Variants in UNK observed in about 807,000 individuals in gnomAD.
UNK encodes RING finger protein unkempt homolog.
Under a neutral mutation model 97.6 loss-of-function variants are expected in UNK, and 32 were observed. The observed-to-expected ratio is 0.33, with a 90% confidence interval of 0.25 to 0.44. UNK has a LOEUF of 0.44. UNK is among the 20% of genes least tolerant of loss of function. The probability of loss-of-function intolerance (pLI) is 1.00; values close to 1 mark genes in which losing one functional copy is unlikely to be tolerated. For synonymous variants in UNK, 441 were observed against 461.2 expected, an observed-to-expected ratio of 0.96 and a Z score of 0.56; for missense variants, 771 against 1,098.4, an observed-to-expected ratio of 0.70 and a Z score of 4.21.
chr17:75,795,459 C>A (rs2061797417), intron 1 of UNK, among the ~76,000 whole-genome samples: 1 of 152,096 alleles, frequency 6.6e-6, no homozygotes, highest in Non-Finnish European at 1.5e-5. Context: ...AGTGCCTCAG[C>A]CTCCTGAGTA....
rs1364024352 is a variant in UNK, at chr17:75,812,165, G to T, written c.368G>T (p.Arg123Leu). 1 of 1,614,002 alleles carries T rather than the reference G, an allele frequency of 6.2e-7. No homozygotes were observed. The highest frequency in any genetic ancestry group is 1.3e-5 in the African/African-American group (1 of 75,030). The stretch of plus-strand genomic sequence containing the variant: ...GACACTGAGCGCAGGTACCACCTTC[G>T]TTACTACAAAACTGGAATCTGCATC... The part of the protein sequence containing the change: ...TGDTERRYHL[R>L]YYKTGICIHE... Residue 123 changes from arginine to leucine, a missense_variant, in exon 3 of 16, where the codon CGT becomes CTT. Physicochemically the swap from Arg to Leu is moderately radical, Grantham distance 102. Coordinates refer to ENST00000589666, the MANE Select transcript of UNK (RefSeq NM_001080419.3).
At chr17:75,801,102 A>T (rs1040086619) in intron 1 of UNK, among the ~76,000 whole-genome samples, 4 of 151,738 alleles carry the variant, frequency 2.6e-5, no homozygotes, top group African/African-American at 9.7e-5. Flanking sequence ...ACGGGGTTTC[A>T]CCATGTTAGC....
chr17:75,788,787 G>A (rs991919744), intron 1 of UNK, among the ~76,000 whole-genome samples: 1 of 151,862 alleles, frequency 6.6e-6, no homozygotes, highest in Non-Finnish European at 1.5e-5. Context: ...AGCCTGAGAA[G>A]GTGTGAGCCA....
intron 14 of UNK, 71 bp from the exon 15 acceptor site, chr17:75,823,194 A>G: frequency 1.3e-6 from 2 of 1,502,192 alleles, no homozygotes; most frequent in Non-Finnish European, 8.9e-7. Flanking sequence ...AGTGGCCCCC[A>G]AAAGATGATG....
chr17:75,797,733 C>T (rs1052738066), intron 1 of UNK, among the ~76,000 whole-genome samples: 10 of 152,112 alleles, frequency 6.6e-5, no homozygotes, highest in Non-Finnish European at 1.3e-4. Flanking sequence ...CCTCACTGGC[C>T]GCTCCATCTT....
chr17:75,793,954 T>G (rs760880818), intron 1 of UNK: 63 of 985,268 alleles, frequency 6.4e-5, no homozygotes, highest in Non-Finnish European at 7.6e-5. Flanking sequence ...TTTATTAATT[T>G]TGGTAAGAAC....
At chr17:75,810,004 T>C in intron 2 of UNK, 35 bp downstream of exon 2, 1 of 1,609,020 alleles carries the variant, frequency 6.2e-7, no homozygotes, top group Non-Finnish European at 8.5e-7. Flanking sequence ...AGGAGCCCCG[T>C]GTCTCCTTCT....
In UNK at chr17:75,817,188, G is replaced by C; in HGVS notation, c.1105-138G>C. On this transcript the variant is annotated intron_variant, in intron 8 of 15. Coordinates refer to ENST00000589666, the MANE Select transcript of UNK (RefSeq NM_001080419.3). The surrounding 1 kb of genome is among the most constrained non-coding windows in gnomAD (Gnocchi z 5.8). ...TTCCTTCGTGAGCTTCGGGCTCCCC[G>C]AGTGGTCACTGCTGCTCGTTGGCAG... The C allele has an allele frequency of 9.1e-7, 1 of 1,097,920 alleles. No individual in the cohort carries two copies. Among genetic ancestry groups the C allele is most frequent in the Middle Eastern group, 3.1e-4 (1 of 3,216 alleles). The allele number at this position is 1,097,920 out of a possible 1,614,324, so 68.0% of individuals were successfully genotyped here. A position where few individuals can be genotyped will look rare whatever the true frequency, so the allele number is the denominator to read the frequency against.
In UNK at chr17:75,819,569, G is replaced by C. The variant is rs1257142268; in HGVS notation, c.1547-115G>C. 1.1e-6 allele frequency: 1 copy of C among 942,948 alleles called. No individual in the cohort carries two copies. Among genetic ancestry groups the C allele is most frequent in the Non-Finnish European group, 1.7e-6 (1 of 600,664 alleles). The allele number at this position is 942,948 out of a possible 1,614,324, so 58.4% of individuals were successfully genotyped here. Reference sequence around the variant, plus strand: ...GCTGAAGGAAGGGCACAGGGGCTTGGGAGAATACGGACCCAGCGTAGCATG... The same window carrying C: ...GCTGAAGGAAGGGCACAGGGGCTTGCGAGAATACGGACCCAGCGTAGCATG... On this transcript the variant is annotated intron_variant, in intron 11 of 15. Coordinates refer to ENST00000589666, the MANE Select transcript of UNK (RefSeq NM_001080419.3). This position sits in a 1 kb window ranked among gnomAD's most constrained non-coding sequence, Gnocchi z 5.4.
intron 1 of UNK, among the ~76,000 whole-genome samples, chr17:75,802,065 G>A (rs901850701): frequency 6.6e-6 from 1 of 151,524 alleles, no homozygotes; most frequent in Non-Finnish European, 1.5e-5. Flanking sequence ...CCAGGCTGGC[G>A]TCAAACTCCT....
At chr17:75,809,231 G>T (rs4318268) in intron 1 of UNK, among the ~76,000 whole-genome samples, 13,577 of 152,194 alleles carry the variant, frequency 0.089, 1,269 homozygotes, top group East Asian at 0.38. Context: ...CAGTAGTCCC[G>T]AGGGATGCCT....
At chr17:75,822,687 C>T (rs762790493) in intron 14 of UNK, 29 bp downstream of exon 14, 3 of 1,565,412 alleles carry the variant, frequency 1.9e-6, no homozygotes, top group African/African-American at 2.7e-5. Flanking sequence ...GCCGGCCTTC[C>T]CCAGTGCCAG....
At chr17:75,798,268 C>T (rs569475034) in intron 1 of UNK, among the ~76,000 whole-genome samples, 4 of 152,166 alleles carry the variant, frequency 2.6e-5, no homozygotes, top group African/African-American at 4.8e-5. Context: ...GACGGGGTTT[C>T]GCCACGTTGG....
In UNK at chr17:75,822,557, T is replaced by G; in HGVS notation, c.1918T>G (p.Ser640Ala). ...CCCGGGCACTTCCCCCGCTTTCCTATCAGGGCCAGGGGCTGCCGAGCTGGC... is the reference window on the plus strand; with the variant it reads ...CCCGGGCACTTCCCCCGCTTTCCTAGCAGGGCCAGGGGCTGCCGAGCTGGC... ...FSPGTSPAFL[S>A]GPGAAELARL... Residue 640 changes from serine to alanine, a missense_variant, in exon 14 of 16, where the codon TCA becomes GCA. Physicochemically the swap from Ser to Ala is moderately conservative, Grantham distance 99 (BLOSUM62 1). Coordinates refer to ENST00000589666, the MANE Select transcript of UNK (RefSeq NM_001080419.3). The G allele has an allele frequency of 6.2e-7, 1 of 1,613,516 alleles. No homozygotes were observed. Among genetic ancestry groups the G allele is most frequent in the Non-Finnish European group, 8.5e-7 (1 of 1,179,802 alleles).
intron 1 of UNK, among the ~76,000 whole-genome samples, chr17:75,796,814 T>TA (rs2061809956): frequency 6.6e-6 from 1 of 152,244 alleles, no homozygotes. Flanking sequence ...AACATATACA[T>TA]ACTTGGATAA....
At chr17:75,792,631 C>A in intron 1 of UNK, 1 of 343,566 alleles carries the variant, frequency 2.9e-6, no homozygotes, top group Non-Finnish European at 4.1e-6. Context: ...CCCAGCCAGT[C>A]ATCTTAAAAT....
At chr17:75,787,294 C>A (rs891538108) in intron 1 of UNK, among the ~76,000 whole-genome samples, 1 of 152,138 alleles carries the variant, frequency 6.6e-6, no homozygotes, top group Non-Finnish European at 1.5e-5. Flanking sequence ...TCACTGTAGC[C>A]TCGACCTCCC....
chr17:75,798,047 A>G (rs987567379), intron 1 of UNK, among the ~76,000 whole-genome samples: 1 of 151,954 alleles, frequency 6.6e-6, no homozygotes. Context: ...TGCACTCCAC[A>G]AAAAGATTGA....
intron 1 of UNK, among the ~76,000 whole-genome samples, chr17:75,808,384 C>G (rs1384760054): frequency 6.6e-6 from 1 of 152,126 alleles, no homozygotes; most frequent in African/African-American, 2.4e-5. Flanking sequence ...AGAGATGAGG[C>G]CCTTGAAATT....
Sources: allele counts gnomAD v4.1 joint callset (sites outside exome capture counted in the v4.1 genomes callset), GRCh38; gene constraint gnomAD v4.1.1; non-coding constraint Gnocchi (gnomAD v3.1); transcripts MANE v1.5; gene names NCBI Gene and HGNC (gene_info 2026-07-23, HGNC 2026-07-21).